Variants in ZNF654 observed in about 807,000 individuals in gnomAD.
ZNF654 encodes the protein zinc finger protein 654.
In ZNF654, 19 loss-of-function variants were observed where a neutral mutation model predicts 95.3. That is an observed-to-expected ratio of 0.20 (90% CI 0.14 to 0.29). The LOEUF is 0.29. Among genes scored for constraint, ZNF654 ranks in the 10% least tolerant of loss-of-function variants. ZNF654 has a pLI of 1.00. For synonymous variants in ZNF654, 413 were observed against 457.9 expected (o/e 0.90, Z 1.25); for missense variants, 1,046 against 1,341.0 (o/e 0.78, Z 3.44).
At chr3:88,121,385 A>G (rs1705759837) in intron 3 of ZNF654, among the ~76,000 whole-genome samples, 1 of 152,148 alleles carries the variant, frequency 6.6e-6, no homozygotes, top group African/African-American at 2.4e-5. Flanking sequence ...TTTTGGCAAC[A>G]GCAATCATGT....
In ZNF654 at chr3:88,109,142, AGTGTGT is replaced by A. The variant is rs35595112; in HGVS notation, c.333-3940_333-3935del. Among the ~76,000 whole-genome samples, 571 of 142,532 alleles carry A rather than the reference AGTGTGT, an allele frequency of 4.0e-3. 3 individuals carry two copies. The highest frequency in any genetic ancestry group is 0.013 in the African/African-American group (517 of 38,614). The allele number at this position is 142,532 out of a possible 152,430, so 93.5% of individuals were successfully genotyped here. A position where few individuals can be genotyped will look rare whatever the true frequency, so the allele number is the denominator to read the frequency against. Reference sequence around the variant, plus strand: ...TATCCCCTGTGGATAAGTGGGCACTAGTGTGTGTGTGTGTGTGTGTGTGTGTGTGTG... The same window carrying A: ...TATCCCCTGTGGATAAGTGGGCACTAGTGTGTGTGTGTGTGTGTGTGTGTG... On this transcript the variant is annotated intron_variant, in intron 2 of 8. Transcript: ENST00000636215.
chr3:88,125,128 T>C (rs1263974110), intron 3 of ZNF654, among the ~76,000 whole-genome samples: 2 of 151,446 alleles, frequency 1.3e-5, no homozygotes, highest in Admixed American at 1.3e-4. Context: ...GGCAGGAGAA[T>C]CGCTTGAACC....
rs552789770 is a variant in ZNF654, at chr3:88,073,557, A to G, written c.187-12700A>G. 8.5e-5 allele frequency among the ~76,000 whole-genome samples: 13 copies of G among 152,354 alleles called. 1 individual carries two copies. The highest frequency in any genetic ancestry group is 2.6e-4 in the African/African-American group (11 of 41,588). ...GGAACAATTTCAAGGAATATTATGTATACTAAAGTACTTAGCATTTTGCTA... is the reference window on the plus strand; with the variant it reads ...GGAACAATTTCAAGGAATATTATGTGTACTAAAGTACTTAGCATTTTGCTA... On this transcript the variant is annotated intron_variant, in intron 1 of 8. Transcript: ENST00000636215.
chr3:88,076,624 C>T (rs879492578), intron 1 of ZNF654, among the ~76,000 whole-genome samples: 4 of 152,112 alleles, frequency 2.6e-5, no homozygotes, highest in Non-Finnish European at 5.9e-5. Context: ...ACCGAGCATA[C>T]CTCATCCTAG....
intron 1 of ZNF654, among the ~76,000 whole-genome samples, chr3:88,076,150 A>G (rs1198988897): frequency 6.6e-6 from 1 of 152,208 alleles, no homozygotes; most frequent in African/African-American, 2.4e-5. Flanking sequence ...TACAGATTTT[A>G]TATTACTTGT....
intron 2 of ZNF654, among the ~76,000 whole-genome samples, chr3:88,089,576 A>C (rs534778990): frequency 2.6e-5 from 4 of 152,318 alleles, no homozygotes; most frequent in Middle Eastern, 3.4e-3. Flanking sequence ...AATCTAGAGA[A>C]TAAAATAAAC....
At chr3:88,071,694 T>C (rs1230859786) in intron 1 of ZNF654, among the ~76,000 whole-genome samples, 2 of 150,778 alleles carry the variant, frequency 1.3e-5, no homozygotes, top group South Asian at 2.1e-4. Context: ...ATCTCAGCTA[T>C]TCAGGAGGAT....
In ZNF654 at chr3:88,144,525, T is replaced by C. The variant is rs1305773538; in HGVS notation, c.*2873T>C. 2 of 152,442 alleles carry C rather than the reference T, an allele frequency of 1.3e-5. No individual in the cohort carries two copies. Among genetic ancestry groups the C allele is most frequent in the Admixed American group, 6.6e-5 (1 of 15,252 alleles). The allele number at this position is 152,442 out of a possible 1,614,324, so 9.4% of individuals were successfully genotyped here. On this transcript the variant is annotated 3_prime_UTR_variant, in exon 9 of 9. Transcript: ENST00000636215. ...TGTGCTTCCTTGTTGAATGTTAAATTATTTTACTTTGCATTTTATAAGAGT... is the reference window on the plus strand; with the variant it reads ...TGTGCTTCCTTGTTGAATGTTAAATCATTTTACTTTGCATTTTATAAGAGT...
chr3:88,067,907 T>A (rs1707292854), intron 1 of ZNF654, among the ~76,000 whole-genome samples: 1 of 151,742 alleles, frequency 6.6e-6, no homozygotes, highest in African/African-American at 2.4e-5. Flanking sequence ...TTTAGTAAAT[T>A]GGTGTGAACT....
intron 2 of ZNF654, among the ~76,000 whole-genome samples, chr3:88,089,191 T>TAA (rs11328694): frequency 1.4e-4 from 18 of 131,192 alleles, no homozygotes; most frequent in East Asian, 2.2e-4. Context: ...GCTTACGTAT[T>TAA]AAAAAAAAAA....
At chr3:88,134,858 A>G (rs1354252191) in intron 6 of ZNF654, among the ~76,000 whole-genome samples, 3 of 152,000 alleles carry the variant, frequency 2.0e-5, no homozygotes, top group African/African-American at 4.8e-5. Flanking sequence ...TTACTACTGT[A>G]TATTTGTGAT....
Position 88,086,284 on chromosome 3 carries a change from C to A in ZNF654, c.214C>A (p.Gln72Lys), listed in dbSNP as rs1219701804. The change falls in exon 2 of 9, where the codon CAG becomes AAG. Residue 72 changes from glutamine to lysine, a missense_variant. Gln to Lys is a moderately conservative substitution (Grantham distance 53). Transcript: ENST00000636215. ...QVVEDYAGRW[Q>K]VPLPQLQVLQ... The stretch of plus-strand genomic sequence containing the variant: ...GGTTGAAGATTATGCTGGAAGATGG[C>A]AGGTCCCTTTGCCACAGCTTCAGGT... 6.5e-7 allele frequency: 1 copy of A among 1,533,864 alleles called. No individual in the cohort carries two copies.
intron 1 of ZNF654, among the ~76,000 whole-genome samples, chr3:88,073,796 A>G (rs889681476): frequency 6.6e-6 from 1 of 152,198 alleles, no homozygotes; most frequent in Non-Finnish European, 1.5e-5. Flanking sequence ...AGTAGCTACA[A>G]TGTACATTTT....
chr3:88,122,443 A>G (rs953201736), intron 3 of ZNF654, among the ~76,000 whole-genome samples: 1 of 152,166 alleles, frequency 6.6e-6, no homozygotes, highest in East Asian at 1.9e-4. Context: ...TCACAGACAC[A>G]TGTTGTAGGT....
At chr3:88,117,731 A>C (rs1705496745) in intron 3 of ZNF654, among the ~76,000 whole-genome samples, 1 of 152,178 alleles carries the variant, frequency 6.6e-6, no homozygotes, top group Non-Finnish European at 1.5e-5. Context: ...CTAGGATCTC[A>C]GATTATGGTA....
intron 3 of ZNF654, among the ~76,000 whole-genome samples, chr3:88,119,743 A>AT (rs1201879548): frequency 6.6e-6 from 1 of 152,112 alleles, no homozygotes; most frequent in Non-Finnish European, 1.5e-5. Context: ...CTGTGTTAGG[A>AT]TGATGACAGT....
rs1453307472 is a variant in ZNF654, at chr3:88,108,171, G to GAATGAAT, written c.333-4944_333-4943insAATGAAT. 1.7e-3 allele frequency among the ~76,000 whole-genome samples: 263 copies of GAATGAAT among 151,678 alleles called. 1 individual carries two copies. Among genetic ancestry groups the GAATGAAT allele is most frequent in the African/African-American group, 5.1e-3 (213 of 41,400 alleles). On this transcript the variant is annotated intron_variant, in intron 2 of 8. Coordinates refer to ENST00000636215, the MANE Select transcript of ZNF654 (RefSeq NM_001350134.2). ...TGACCATGTAGGTATATGAATTCAG[G>GAATGAAT]TCACGACCTACATGAGAAGATTTTC...
intron 3 of ZNF654, among the ~76,000 whole-genome samples, chr3:88,119,099 G>A (rs1279740405): frequency 2.0e-5 from 3 of 148,522 alleles, no homozygotes; most frequent in Non-Finnish European, 3.0e-5. Context: ...TGTTTACTGC[G>A]GCATTATTCA....
intron 2 of ZNF654, among the ~76,000 whole-genome samples, chr3:88,086,782 T>C (rs1174755987): frequency 2.6e-5 from 4 of 152,068 alleles, no homozygotes; most frequent in African/African-American, 9.7e-5. Flanking sequence ...TTTGTTTGTT[T>C]TGTTGTTTTG....
Sources: allele counts gnomAD v4.1 joint callset (sites outside exome capture counted in the v4.1 genomes callset), GRCh38; gene constraint gnomAD v4.1.1; transcripts MANE v1.5; gene names NCBI Gene and HGNC (gene_info 2026-07-23, HGNC 2026-07-21).